KIAA1217: variants seen among roughly 807,000 people sequenced by gnomAD.
KIAA1217 encodes KIAA1217.
Under a neutral mutation model 163.9 loss-of-function variants are expected in KIAA1217, and 88 were observed. The observed-to-expected ratio is 0.54, with a 90% CI of 0.45 to 0.64. The LOEUF is 0.64. Among genes scored for constraint, KIAA1217 ranks in the 30% least tolerant of loss-of-function variants. The probability of loss-of-function intolerance (pLI) is 0.00; values close to 1 mark genes in which losing one functional copy is unlikely to be tolerated. For missense variants in KIAA1217, 2,372 were observed against 2,475.0 expected, an observed-to-expected ratio of 0.96 and a Z score of 0.88; for synonymous variants, 903 against 923.1, an observed-to-expected ratio of 0.98 and a Z score of 0.39.
Position 24,303,591 on chromosome 10 carries a change from G to A in KIAA1217, c.355-77278G>A, listed in dbSNP as rs555130578. Among the ~76,000 whole-genome samples the A allele has an allele frequency of 9.8e-5, 15 of 152,318 alleles. No individual in the cohort carries two copies. The East Asian group carries it at 2.9e-3, about 29-fold the overall frequency. On this transcript the variant is annotated intron_variant, in intron 2 of 20. Transcript: ENST00000376454. ...AGGTTTGTGCCCTCGGCAACTGGAG[G>A]AGGATTCCTGATGTCATTTACAGAG...
chr10:24,277,918 A>C (rs2077486047), intron 2 of KIAA1217, among the ~76,000 whole-genome samples: 1 of 152,130 alleles, frequency 6.6e-6, no homozygotes, highest in South Asian at 2.1e-4. Flanking sequence ...TCAGCTGGGA[A>C]CTTCTCCCCT....
At chr10:23,890,783 G>A (rs951843497) in intron 1 of KIAA1217, among the ~76,000 whole-genome samples, 1 of 151,944 alleles carries the variant, frequency 6.6e-6, no homozygotes, top group African/African-American at 2.4e-5. Flanking sequence ...GTCTTTTTCA[G>A]ATCTTCTGTA....
At chr10:23,733,196 A>G (rs965437023) in intron 1 of KIAA1217, among the ~76,000 whole-genome samples, 2 of 152,170 alleles carry the variant, frequency 1.3e-5, no homozygotes, top group Middle Eastern at 3.4e-3. Flanking sequence ...TATTTTTAGT[A>G]GAGATGGAGT....
intron 1 of KIAA1217, among the ~76,000 whole-genome samples, chr10:23,919,606 TAAA>T (rs66850484): frequency 0.018 from 1,382 of 76,694 alleles, 34 homozygotes; most frequent in African/African-American, 0.064. Context: ...ACTCCTTCTC[TAAA>T]AAAAAAAAAA....
At chr10:24,189,880 G>A (rs2066632369) in intron 2 of KIAA1217, among the ~76,000 whole-genome samples, 4 of 151,990 alleles carry the variant, frequency 2.6e-5, no homozygotes, top group Admixed American at 2.6e-4. Context: ...AATTAGCTGG[G>A]TATAGTGGTG....
At chr10:24,042,555 T>C (rs1049100239) in intron 2 of KIAA1217, 3 of 152,206 alleles carry the variant, frequency 2.0e-5, no homozygotes. Context: ...TGCTTAACAA[T>C]ACTGACCGGT....
At chr10:23,797,932 T>A (rs1164739422) in intron 1 of KIAA1217, among the ~76,000 whole-genome samples, 1 of 152,212 alleles carries the variant, frequency 6.6e-6, no homozygotes, top group Non-Finnish European at 1.5e-5. Context: ...AGAAGGAGAT[T>A]TAAACTTGGA....
chr10:24,482,310 A>T (rs1354236571), intron 6 of KIAA1217: 1 of 152,256 alleles, frequency 6.6e-6, no homozygotes, highest in East Asian at 1.9e-4. Context: ...CTCAATCAGA[A>T]GCCCTAAGTC....
chr10:24,375,407 T>C (rs1298024132), intron 2 of KIAA1217, among the ~76,000 whole-genome samples: 1 of 152,158 alleles, frequency 6.6e-6, no homozygotes, highest in Admixed American at 6.5e-5. Context: ...GCTTCCAAAG[T>C]GAGAGTTTAT....
rs11014103 is a variant in KIAA1217 at position 24,470,355 on chromosome 10, T to C, written c.847-2873T>C. On this transcript the variant is annotated intron_variant, in intron 5 of 20. Transcript: ENST00000376454. ...TATCATGCAATGACCTTGGGACTGT[T>C]CCTTCTGGTCTAAAGCACTGAGCAC... is the stretch of plus-strand genomic sequence containing the variant. Among the ~76,000 whole-genome samples the C allele has an allele frequency of 9.5e-3, 1,447 of 152,290 alleles. 30 individuals are homozygous for C. Among genetic ancestry groups the C allele is most frequent in the South Asian group, 0.052 (251 of 4,822 alleles).
intron 1 of KIAA1217, among the ~76,000 whole-genome samples, chr10:23,847,207 G>A (rs1314274456): frequency 1.3e-5 from 2 of 152,040 alleles, no homozygotes; most frequent in Non-Finnish European, 2.9e-5. Flanking sequence ...TCTTTTTGTT[G>A]TGTCTCTGTC....
intron 2 of KIAA1217, among the ~76,000 whole-genome samples, chr10:24,173,438 A>G (rs1048216393): frequency 2.0e-5 from 3 of 152,208 alleles, no homozygotes; most frequent in Admixed American, 2.0e-4. Flanking sequence ...CACTTGAATC[A>G]TCCTCAAAAC....
intron 2 of KIAA1217, among the ~76,000 whole-genome samples, chr10:24,314,961 T>A (rs1051970787): frequency 1.3e-5 from 2 of 151,800 alleles, no homozygotes; most frequent in Non-Finnish European, 2.9e-5. Flanking sequence ...ATAATAATAA[T>A]AAAATAATAA....
At chr10:24,209,384 T>G (rs2067787942) in intron 1 of KIAA1217, 121 bp downstream of exon 1, 3 of 713,426 alleles carry the variant, frequency 4.2e-6, no homozygotes, top group Non-Finnish European at 7.0e-6. Context: ...AGGCAATTTC[T>G]TGGGATGGTA....
chr10:24,503,537 G>T (rs1592476566), intron 9 of KIAA1217, among the ~76,000 whole-genome samples: 1 of 152,258 alleles, frequency 6.6e-6, no homozygotes, highest in East Asian at 1.9e-4. Context: ...ACAGTAAATT[G>T]GCCCCTTTAA....
intron 2 of KIAA1217, among the ~76,000 whole-genome samples, chr10:24,150,205 T>C (rs976065389): frequency 8.6e-5 from 13 of 152,018 alleles, no homozygotes; most frequent in African/African-American, 3.1e-4. Flanking sequence ...TTAGTAGCGA[T>C]GGGGTTTCAC....
intron 1 of KIAA1217, among the ~76,000 whole-genome samples, chr10:23,808,280 T>C (rs1411433190): frequency 1.3e-5 from 2 of 152,052 alleles, no homozygotes; most frequent in African/African-American, 4.8e-5. Flanking sequence ...CTAAAACAAG[T>C]ACAAGGCCTG....
chr10:24,337,163 T>G (rs983825285), intron 2 of KIAA1217, among the ~76,000 whole-genome samples: 1 of 152,208 alleles, frequency 6.6e-6, no homozygotes, highest in African/African-American at 2.4e-5. Flanking sequence ...ATCGTACACC[T>G]GATAAGGGAT....
intron 1 of KIAA1217, among the ~76,000 whole-genome samples, chr10:23,925,487 T>C (rs1248855271): frequency 6.6e-6 from 1 of 152,230 alleles, no homozygotes; most frequent in Non-Finnish European, 1.5e-5. Context: ...CAAGGATCAG[T>C]CTCTTTTGAC....
Sources: gnomAD v4.1 joint callset for allele counts (sites outside exome capture counted in the v4.1 genomes callset) on GRCh38, gnomAD v4.1.1 for gene constraint, MANE v1.5 for transcripts, NCBI Gene and HGNC (gene_info 2026-07-23, HGNC 2026-07-21) for gene names.